Variants in STXBP4 observed in about 807,000 individuals in gnomAD.
STXBP4 encodes the protein syntaxin binding protein 4, also known as syntaxin-binding protein 4.
Under a neutral mutation model 76.1 loss-of-function variants are expected in STXBP4, and 55 were observed. That is an observed-to-expected ratio of 0.72 (90% confidence interval 0.58 to 0.91). STXBP4 has a LOEUF of 0.91. STXBP4 is among the 40% of genes least tolerant of loss of function. The probability of loss-of-function intolerance (pLI) is 0.00; values close to 1 mark genes in which losing one functional copy is unlikely to be tolerated. For synonymous variants in STXBP4, 201 were observed against 220.2 expected (o/e 0.91, Z 0.77); for missense variants, 618 against 636.9 (o/e 0.97, Z 0.32).
intron 8 of STXBP4, 88 bp from the exon 9 acceptor site, chr17:55,031,080 A>G (rs1056000207): frequency 1.2e-5 from 12 of 994,444 alleles, no homozygotes; most frequent in Middle Eastern, 4.3e-4. Context: ...GGTATTGATT[A>G]TTTTCCCTGG....
At chr17:55,017,678 A>G (rs925825320) in intron 8 of STXBP4, among the ~76,000 whole-genome samples, 1 of 152,194 alleles carries the variant, frequency 6.6e-6, no homozygotes, top group African/African-American at 2.4e-5. Flanking sequence ...CATGATCTCA[A>G]CTGGCTAAAG....
At chr17:55,148,092 T>G (rs184544628) in intron 17 of STXBP4, among the ~76,000 whole-genome samples, 11 of 152,314 alleles carry the variant, frequency 7.2e-5, no homozygotes, top group Admixed American at 5.2e-4. Context: ...GAGCTTTGTT[T>G]TTATGACTCT....
At chr17:55,082,849 A>T (rs1233461912) in intron 16 of STXBP4, among the ~76,000 whole-genome samples, 1 of 152,198 alleles carries the variant, frequency 6.6e-6, no homozygotes, top group Non-Finnish European at 1.5e-5. Context: ...AATAAAGATA[A>T]TGTAATATTC....
intron 4 of STXBP4, among the ~76,000 whole-genome samples, chr17:54,994,902 C>T (rs1255264286): frequency 3.3e-5 from 5 of 151,888 alleles, no homozygotes; most frequent in Admixed American, 2.6e-4. Context: ...AATTCAAAGA[C>T]TGCTGCCTAA....
At chr17:55,121,487 A>T (rs1276288738) in intron 16 of STXBP4, among the ~76,000 whole-genome samples, 1 of 152,192 alleles carries the variant, frequency 6.6e-6, no homozygotes, top group Non-Finnish European at 1.5e-5. Flanking sequence ...TCTGTGAATT[A>T]TTAACTATGT....
rs1031456676 is a variant in STXBP4 at position 55,173,488 on chromosome 17, G to C, written c.*13577G>C. 4.6e-5 allele frequency: 7 copies of C among 152,172 alleles called. No individual in the cohort carries two copies. Among genetic ancestry groups the C allele is most frequent in the Non-Finnish European group, 1.0e-4 (7 of 68,040 alleles). 9.4% of individuals were successfully genotyped at this position (152,172 alleles called of 1,614,324 possible). On this transcript the variant is annotated 3_prime_UTR_variant, in exon 18 of 18. Transcript: ENST00000376352. ...GCCTTTGAGATTCATCCAGATCGTT[G>C]TGTGTATCAGTAGTTTGTTTTTATT...
At chr17:54,993,943 T>A (rs560639074) in intron 4 of STXBP4, among the ~76,000 whole-genome samples, 50 of 152,346 alleles carry the variant, frequency 3.3e-4, no homozygotes, top group Admixed American at 7.8e-4. Flanking sequence ...TAATTATTCA[T>A]GGTTTGCCAC....
intron 16 of STXBP4, among the ~76,000 whole-genome samples, chr17:55,132,873 A>T (rs1245017812): frequency 6.6e-6 from 1 of 152,170 alleles, no homozygotes; most frequent in African/African-American, 2.4e-5. Flanking sequence ...ATTCAAAGGG[A>T]ACAGCTCTCT....
At chr17:55,054,873 A>G (rs1164805039) in intron 12 of STXBP4, among the ~76,000 whole-genome samples, 1 of 152,178 alleles carries the variant, frequency 6.6e-6, no homozygotes, top group Non-Finnish European at 1.5e-5. Flanking sequence ...ATAAGGTGGC[A>G]CGTGAGCTGA....
chr17:55,012,416 A>G (rs1281158548), intron 8 of STXBP4, among the ~76,000 whole-genome samples: 4 of 152,116 alleles, frequency 2.6e-5, no homozygotes. Context: ...TTGCTTCAAT[A>G]TCTGCTTGGC....
intron 8 of STXBP4, among the ~76,000 whole-genome samples, chr17:55,023,916 CAAAAAAAAAAA>C (rs61454264): frequency 1.1e-4 from 7 of 62,240 alleles, no homozygotes; most frequent in South Asian, 7.4e-4. Flanking sequence ...GGCCCTTTTC[CAAAAAAAAAAA>C]AAAAAAAAAA....
intron 16 of STXBP4, among the ~76,000 whole-genome samples, chr17:55,107,631 G>A (rs1451009338): frequency 6.6e-6 from 1 of 152,210 alleles, no homozygotes; most frequent in African/African-American, 2.4e-5. Flanking sequence ...TGGTGTTGAT[G>A]CTATTCCTTT....
chr17:55,089,068 G>A (rs565934547), intron 16 of STXBP4, among the ~76,000 whole-genome samples: 1 of 152,226 alleles, frequency 6.6e-6, no homozygotes, highest in South Asian at 2.1e-4. Flanking sequence ...TTAATTTCTA[G>A]GTCTGTTTTT....
At chr17:55,067,387 G>C (rs1426834497) in intron 12 of STXBP4, among the ~76,000 whole-genome samples, 1 of 152,056 alleles carries the variant, frequency 6.6e-6, no homozygotes, top group African/African-American at 2.4e-5. Context: ...AGATTTTGAA[G>C]GACAAGTAAC....
At position 55,081,158 on chromosome 17, in the gene STXBP4, T is replaced by C; in HGVS notation, c.1464T>C (p.Ser488=). 1 of 1,515,366 alleles carries C rather than the reference T, an allele frequency of 6.6e-7. No homozygotes were observed. Among genetic ancestry groups the C allele is most frequent in the African/African-American group, 1.4e-5 (1 of 69,396 alleles). 93.9% of individuals were successfully genotyped at this position (1,515,366 alleles called of 1,614,324 possible). Residue 488 remains serine, a synonymous_variant, in exon 16 of 18, where the codon TCT becomes TCC. Coordinates refer to ENST00000376352, the MANE Select transcript of STXBP4 (RefSeq NM_178509.6). The part of the protein sequence containing the change: ...LALESKELVK[S]VRALLDMDCL... Reference sequence around the variant, plus strand: ...TTGAATCTAAGGAACTTGTTAAATCTGTTCGTGCCTTACTTGATATGGATT... The same window carrying C: ...TTGAATCTAAGGAACTTGTTAAATCCGTTCGTGCCTTACTTGATATGGATT...
intron 3 of STXBP4, among the ~76,000 whole-genome samples, chr17:54,987,693 A>G (rs529163712): frequency 2.6e-5 from 4 of 152,254 alleles, no homozygotes; most frequent in South Asian, 4.1e-4. Context: ...GTCATTTTCT[A>G]TTTTTTGCCA....
the STXBP4 span, among the ~76,000 whole-genome samples, chr17:55,208,608 AAGAGAGAGGGAG>A: frequency 2.1e-5 from 3 of 141,532 alleles, no homozygotes; most frequent in South Asian, 2.3e-4. Flanking sequence ...GAAGGAAGGA[AAGAGAGAGGGAG>A]GGAGGGAAAG....
At chr17:55,144,005 GCACACACACACA>G (rs61300425) in intron 17 of STXBP4, among the ~76,000 whole-genome samples, 5,552 of 138,886 alleles carry the variant, frequency 0.04, 368 homozygotes, top group African/African-American at 0.14. Flanking sequence ...AAAGCCACCT[GCACACACACACA>G]CACACACACA....
intron 12 of STXBP4, among the ~76,000 whole-genome samples, chr17:55,061,539 A>G (rs777012178): frequency 2.6e-5 from 4 of 152,182 alleles, no homozygotes; most frequent in Non-Finnish European, 5.9e-5. Context: ...TTTCCATTTC[A>G]GATAGTCACT....
Sources: gnomAD v4.1 joint callset for allele counts (sites outside exome capture counted in the v4.1 genomes callset) on GRCh38, gnomAD v4.1.1 for gene constraint, MANE v1.5 for transcripts, NCBI Gene and HGNC (gene_info 2026-07-23, HGNC 2026-07-21) for gene names.